The following AOPEP variants were observed in gnomAD, a reference collection of about 807,000 sequenced individuals.
AOPEP encodes the protein aminopeptidase O (putative).
A neutral mutation model predicts 98.1 loss-of-function variants in AOPEP; 77 were observed. The ratio of observed to expected loss-of-function variants is 0.78; its 90% CI spans 0.65 to 0.95. The LOEUF (loss-of-function observed/expected upper bound fraction) is 0.95. Among genes scored for constraint, AOPEP ranks in the 40% least tolerant of loss-of-function variants. The pLI is 0.00. For missense variants in AOPEP, 1,024 were observed against 1,024.7 expected (o/e 1.00, Z 0.01); for synonymous variants, 346 against 365.3 (o/e 0.95, Z 0.60).
chr9:94,993,037 T>C (rs892990088), intron 11 of AOPEP, among the ~76,000 whole-genome samples: 1 of 152,194 alleles, frequency 6.6e-6, no homozygotes, highest in Non-Finnish European at 1.5e-5. Flanking sequence ...GAGAACTGAG[T>C]AATAATCAAT....
At chr9:95,049,963 C>G (rs1180860649) in intron 13 of AOPEP, among the ~76,000 whole-genome samples, 1 of 152,208 alleles carries the variant, frequency 6.6e-6, no homozygotes, top group African/African-American at 2.4e-5. Flanking sequence ...GCTCCCCTAT[C>G]AACTTCAGGC....
chr9:95,034,800 G>A (rs2064639411), intron 13 of AOPEP, among the ~76,000 whole-genome samples: 1 of 152,218 alleles, frequency 6.6e-6, no homozygotes, highest in Non-Finnish European at 1.5e-5. Context: ...TGCTGATACA[G>A]ATCTCTCAGA....
At chr9:94,951,066 C>T (rs1238039788) in intron 7 of AOPEP, among the ~76,000 whole-genome samples, 2 of 152,236 alleles carry the variant, frequency 1.3e-5, no homozygotes, top group African/African-American at 4.8e-5. Flanking sequence ...GCACGTCAAT[C>T]TCAGTTGTTG....
At chr9:94,892,608 A>G (rs2049000226) in intron 5 of AOPEP, among the ~76,000 whole-genome samples, 1 of 152,224 alleles carries the variant, frequency 6.6e-6, no homozygotes, top group Non-Finnish European at 1.5e-5. Flanking sequence ...TGGAGGGTGA[A>G]GAGAAAAGAA....
the AOPEP span, among the ~76,000 whole-genome samples, chr9:95,149,217 G>T: frequency 2.6e-5 from 4 of 151,914 alleles, no homozygotes; most frequent in African/African-American, 9.7e-5. Flanking sequence ...ATTAATAAGG[G>T]TTTAACAGAT....
intron 13 of AOPEP, among the ~76,000 whole-genome samples, chr9:95,016,667 C>T (rs1296400078): frequency 1.3e-5 from 2 of 151,642 alleles, no homozygotes; most frequent in African/African-American, 2.4e-5. Context: ...GGCTTAAGTC[C>T]AATGGCATGA....
chr9:94,897,190 A>T (rs982131578), intron 5 of AOPEP, among the ~76,000 whole-genome samples: 1 of 152,158 alleles, frequency 6.6e-6, no homozygotes, highest in Non-Finnish European at 1.5e-5. Context: ...TGTTATAAAG[A>T]TATATTAATC....
intron 11 of AOPEP, among the ~76,000 whole-genome samples, chr9:94,988,947 C>T (rs1369638969): frequency 4.0e-5 from 6 of 149,256 alleles, no homozygotes; most frequent in Admixed American, 2.0e-4. Context: ...CTCGGTCTGT[C>T]GCCCAGGCTG....
At chr9:94,944,589 G>C (rs1324082011) in intron 7 of AOPEP, among the ~76,000 whole-genome samples, 1 of 152,122 alleles carries the variant, frequency 6.6e-6, no homozygotes, top group Non-Finnish European at 1.5e-5. Context: ...TTTTGAGACA[G>C]GGTCTTACTC....
chr9:94,792,680 C>G, intron 3 of AOPEP, 85 bp from the exon 4 acceptor site: 1 of 1,308,650 alleles, frequency 7.6e-7, no homozygotes, highest in Non-Finnish European at 1.0e-6. Flanking sequence ...CACAAAAGCT[C>G]TTCAAGTGCC....
At chr9:94,849,998 G>A (rs1331871110) in intron 5 of AOPEP, among the ~76,000 whole-genome samples, 2 of 150,764 alleles carry the variant, frequency 1.3e-5, no homozygotes, top group African/African-American at 4.9e-5. Flanking sequence ...TCATGCCACG[G>A]CACTCCAGCC....
intron 11 of AOPEP, among the ~76,000 whole-genome samples, chr9:94,996,350 C>CTGTGTGTGTGTG (rs10608161): frequency 4.2e-4 from 59 of 141,868 alleles, no homozygotes; most frequent in East Asian, 3.3e-3. Context: ...TTACTTGCCT[C>CTGTGTGTGTGTG]TGTGTGTGTG....
At chr9:94,758,870 ATC>A (rs1248474739) in intron 1 of AOPEP, among the ~76,000 whole-genome samples, 2 of 151,934 alleles carry the variant, frequency 1.3e-5, no homozygotes, top group African/African-American at 4.8e-5. Flanking sequence ...TTATTGTAAC[ATC>A]TGTTTCTACA....
the AOPEP span, among the ~76,000 whole-genome samples, chr9:95,093,387 G>T: frequency 1.3e-5 from 2 of 152,274 alleles, no homozygotes; most frequent in South Asian, 4.1e-4. Flanking sequence ...AGAAACAAAA[G>T]CACCACCACG....
chr9:94,971,994 TGTGGCC>T (rs1346603162), intron 10 of AOPEP, among the ~76,000 whole-genome samples: 66 of 130,870 alleles, frequency 5.0e-4, no homozygotes, highest in African/African-American at 2.6e-3. Context: ...CCGAGGGCAG[TGTGGCC>T]GAGGGCAGTG....
chr9:94,928,847 C>A, intron 7 of AOPEP: 1 of 260,276 alleles, frequency 3.8e-6, no homozygotes, highest in Non-Finnish European at 7.3e-6. Context: ...GGTTTGGCAG[C>A]CTGGCAGACA....
chr9:95,099,356 G>A, the AOPEP span: 3 of 227,820 alleles, frequency 1.3e-5, no homozygotes, highest in Non-Finnish European at 2.6e-5. Flanking sequence ...GTGGCTTCAC[G>A]CCTTGCCATC....
chr9:94,781,599 C>T (rs1167832898), intron 3 of AOPEP, among the ~76,000 whole-genome samples: 5 of 149,172 alleles, frequency 3.4e-5, no homozygotes, highest in African/African-American at 9.9e-5. Context: ...CTCATTCTGT[C>T]GCCCAGGCTG....
At chr9:94,784,724 T>G (rs1211677329) in intron 3 of AOPEP, among the ~76,000 whole-genome samples, 1 of 152,238 alleles carries the variant, frequency 6.6e-6, no homozygotes, top group Non-Finnish European at 1.5e-5. Flanking sequence ...CAAGTGATTC[T>G]CCTGCTTCAG....
Sources: gnomAD v4.1 joint callset for allele counts (sites outside exome capture counted in the v4.1 genomes callset) on GRCh38, gnomAD v4.1.1 for gene constraint, MANE v1.5 for transcripts, NCBI Gene and HGNC (gene_info 2026-07-23, HGNC 2026-07-21) for gene names.